CLEC16A: variants seen among roughly 807,000 people sequenced by gnomAD.
CLEC16A encodes the protein C-type lectin domain containing 16A.
CLEC16A carries 51 observed loss-of-function variants against 109.5 expected under a neutral mutation model. The observed-to-expected ratio is 0.47, with a 90% CI of 0.37 to 0.59. The LOEUF (loss-of-function observed/expected upper bound fraction) is 0.59. CLEC16A is among the 20% of genes least tolerant of loss of function. The pLI is 0.00. For missense variants in CLEC16A, 1,339 were observed against 1,394.0 expected (o/e 0.96, Z 0.63); for synonymous variants, 673 against 564.2 (o/e 1.19, Z -2.73).
intron 1 of CLEC16A, among the ~76,000 whole-genome samples, chr16:10,946,875 C>T (rs891649327): frequency 6.6e-6 from 1 of 152,178 alleles, no homozygotes; most frequent in Non-Finnish European, 1.5e-5. Flanking sequence ...CCCCAGGTGT[C>T]AGCAGCTGAA....
At chr16:11,080,681 C>T (rs1163932261) in intron 19 of CLEC16A, among the ~76,000 whole-genome samples, 1 of 152,198 alleles carries the variant, frequency 6.6e-6, no homozygotes, top group African/African-American at 2.4e-5. Context: ...TGTTTTCTTG[C>T]CTTTTCTGGA....
intron 1 of CLEC16A, among the ~76,000 whole-genome samples, chr16:10,952,409 G>A (rs2041781340): frequency 6.6e-6 from 1 of 152,184 alleles, no homozygotes; most frequent in African/African-American, 2.4e-5. Context: ...TAGGAGAATC[G>A]CCTGAACCTA....
intron 20 of CLEC16A, among the ~76,000 whole-genome samples, chr16:11,122,805 T>G (rs1385148188): frequency 2.6e-5 from 4 of 152,172 alleles, no homozygotes; most frequent in Non-Finnish European, 5.9e-5. Flanking sequence ...CTGGTTTGTC[T>G]TTATTATATT....
rs59547466 is a variant in CLEC16A, at chr16:10,986,012, A to ATTTTTTTTTTTTTTT, written c.1071+3043_1071+3057dup. ...TGAGACACTGCACCTGGCCTGCAGA[A>ATTTTTTTTTTTTTTT]TTTTTTTTTTTTTTTTTTTTTTTTT... On this transcript the variant is annotated intron_variant, in intron 10 of 23. Coordinates refer to ENST00000409790, the MANE Select transcript of CLEC16A (RefSeq NM_015226.3). Among the ~76,000 whole-genome samples the ATTTTTTTTTTTTTTT allele has an allele frequency of 1.6e-4, 7 of 43,454 alleles. 3 individuals carry two copies. Among genetic ancestry groups the ATTTTTTTTTTTTTTT allele is most frequent in the African/African-American group, 7.9e-4 (7 of 8,822 alleles). 28.5% of individuals were successfully genotyped at this position (43,454 alleles called of 152,430 possible).
intron 21 of CLEC16A, among the ~76,000 whole-genome samples, chr16:11,124,441 A>G (rs535260650): frequency 6.6e-6 from 1 of 152,274 alleles, no homozygotes; most frequent in Non-Finnish European, 1.5e-5. Flanking sequence ...CCCAGTTCTT[A>G]TAAGAGGCAG....
At chr16:11,087,991 C>T (rs2050102840) in intron 19 of CLEC16A, among the ~76,000 whole-genome samples, 1 of 152,266 alleles carries the variant, frequency 6.6e-6, no homozygotes, top group Non-Finnish European at 1.5e-5. Context: ...TTTGAAGCCT[C>T]TGCAGCCTGA....
chr16:10,950,134 C>T (rs1246366955), intron 1 of CLEC16A, among the ~76,000 whole-genome samples: 1 of 152,220 alleles, frequency 6.6e-6, no homozygotes, highest in Non-Finnish European at 1.5e-5. Flanking sequence ...AAAGTTTCAT[C>T]TCGGCCTTGA....
chr16:11,065,723 G>A (rs950657168), intron 19 of CLEC16A, among the ~76,000 whole-genome samples: 1 of 152,258 alleles, frequency 6.6e-6, no homozygotes, highest in Non-Finnish European at 1.5e-5. Context: ...CTGAAGAGGT[G>A]CTGTGCCAGG....
At chr16:11,018,825 T>C (rs1365150212) in intron 11 of CLEC16A, among the ~76,000 whole-genome samples, 2 of 150,840 alleles carry the variant, frequency 1.3e-5, no homozygotes, top group Non-Finnish European at 2.9e-5. Flanking sequence ...TGGAGCAGCA[T>C]GAGCCAGCCA....
chr16:11,092,324 A>G (rs1440537243), intron 19 of CLEC16A, among the ~76,000 whole-genome samples: 1 of 150,794 alleles, frequency 6.6e-6, no homozygotes. Flanking sequence ...AGTCTGGGCG[A>G]TAGAGTAAGA....
chr16:11,159,776 C>T (rs1278615757), intron 22 of CLEC16A, among the ~76,000 whole-genome samples: 1 of 152,178 alleles, frequency 6.6e-6, no homozygotes, highest in Non-Finnish European at 1.5e-5. Context: ...GTGACATTAG[C>T]TTCCCATAGC....
chr16:11,042,222 G>A, intron 14 of CLEC16A, 32 bp from the exon 15 acceptor site: 1 of 1,519,664 alleles, frequency 6.6e-7, no homozygotes, highest in Non-Finnish European at 8.9e-7. Flanking sequence ...CCCACCCTGG[G>A]TGTGCAAGGC....
intron 18 of CLEC16A, among the ~76,000 whole-genome samples, chr16:11,053,002 T>G (rs1050154228): frequency 6.6e-6 from 1 of 152,102 alleles, no homozygotes; most frequent in Non-Finnish European, 1.5e-5. Context: ...CCAGCCATCC[T>G]CCCACCTCAG....
intron 18 of CLEC16A, among the ~76,000 whole-genome samples, chr16:11,052,192 T>C (rs1185217661): frequency 6.6e-6 from 1 of 152,164 alleles, no homozygotes; most frequent in Non-Finnish European, 1.5e-5. Flanking sequence ...GCAGGTACTC[T>C]AGGAAGCAGT....
intron 11 of CLEC16A, among the ~76,000 whole-genome samples, chr16:11,018,222 A>G (rs908522732): frequency 2.6e-5 from 4 of 151,384 alleles, no homozygotes; most frequent in African/African-American, 7.3e-5. Context: ...GGTCAAGGCT[A>G]CAGTGAGCCA....
intron 5 of CLEC16A, 94 bp downstream of exon 5, chr16:10,971,324 C>T (rs1358096473): frequency 3.2e-5 from 30 of 950,330 alleles, no homozygotes; most frequent in African/African-American, 1.2e-4. Flanking sequence ...CCGATTGTCA[C>T]GAGGGAGCAC....
rs764755955 is a variant in CLEC16A at position 11,060,948 on chromosome 16, G to A, written c.2042G>A (p.Arg681Gln). The change falls in exon 19 of 24, where the codon CGA becomes CAA. Residue 681 changes from arginine to glutamine, a missense_variant. By Grantham distance (43) the Arg-to-Gln change is conservative. Around this residue, in one of 3 missense-constraint regions of CLEC16A, gnomAD observed 1,061 missense variants for 1,006.8 expected, o/e 1.05. Coordinates refer to ENST00000409790, the MANE Select transcript of CLEC16A (RefSeq NM_015226.3). ...FMLRSLSLQLRGEPETQLPLT... is the reference protein window; with the variant it reads ...FMLRSLSLQLQGEPETQLPLT... ...CTGCGTTCCCTGTCACTGCAATTGC[G>A]AGGGGAGCCTGAGACACAGTTGCCG... 1.7e-5 allele frequency: 28 copies of A among 1,612,586 alleles called. No homozygotes were observed. Among genetic ancestry groups the A allele is most frequent in the African/African-American group, 5.3e-5 (4 of 74,862 alleles).
chr16:11,110,027 T>G (rs1370281190), intron 19 of CLEC16A, among the ~76,000 whole-genome samples: 1 of 152,174 alleles, frequency 6.6e-6, no homozygotes, highest in East Asian at 1.9e-4. Context: ...TGTGAAGGGA[T>G]TATTAAAATA....
At chr16:10,966,120 G>T (rs929812593) in intron 3 of CLEC16A, among the ~76,000 whole-genome samples, 1 of 152,182 alleles carries the variant, frequency 6.6e-6, no homozygotes, top group Admixed American at 6.5e-5. Context: ...AATCACCTGG[G>T]TGACACGATA....
Sources: allele counts gnomAD v4.1 joint callset (sites outside exome capture counted in the v4.1 genomes callset), GRCh38; gene constraint gnomAD v4.1.1; regional missense constraint gnomAD v4.1.1; transcripts MANE v1.5; gene names NCBI Gene and HGNC (gene_info 2026-07-23, HGNC 2026-07-21).